Variants in LGSN observed in about 807,000 individuals in gnomAD.
LGSN encodes lengsin.
LGSN carries 21 observed loss-of-function variants against 19.5 expected under a neutral mutation model. The observed-to-expected ratio is 1.07, with a 90% CI of 0.76 to 1.55. LGSN has a LOEUF of 1.55. Ranked by LOEUF, LGSN falls within the 40% of genes most tolerant of loss-of-function variation. LGSN has a pLI of 0.00. For synonymous variants in LGSN, 257 were observed against 215.6 expected, an observed-to-expected ratio of 1.19 and a Z score of -1.68; for missense variants, 673 against 608.5, an observed-to-expected ratio of 1.11 and a Z score of -1.12.
chr6:63,277,015 C>A lies in LGSN; in HGVS notation c.*3006G>T, dbSNP rs980714651. ...TAACTGAAATCTTGGTGGAAACTGC[C>A]ACACCAACTTACGTTATCAACTGAT... is the stretch of plus-strand genomic sequence containing the variant. On this transcript the variant is annotated 3_prime_UTR_variant, in exon 4 of 4. Transcript: ENST00000370657. 1 of 119,624 alleles carries A rather than the reference C, an allele frequency of 8.4e-6. No individual in the cohort carries two copies. The highest frequency in any genetic ancestry group is 1.9e-5 in the Non-Finnish European group (1 of 52,240). 7.4% of individuals were successfully genotyped at this position (119,624 alleles called of 1,614,324 possible).
chr6:63,551,303 T>A, the LGSN span, among the ~76,000 whole-genome samples: 12 of 152,220 alleles, frequency 7.9e-5, no homozygotes, highest in South Asian at 6.2e-4. Context: ...TGACCTCAGG[T>A]GATCTGCCTG....
the LGSN span, among the ~76,000 whole-genome samples, chr6:63,417,440 G>A: frequency 2.4e-4 from 36 of 152,234 alleles, no homozygotes; most frequent in African/African-American, 8.4e-4. Context: ...AGTCCTAAGG[G>A]TGATAGCTGC....
chr6:63,435,950 C>G, the LGSN span, among the ~76,000 whole-genome samples: 3 of 150,542 alleles, frequency 2.0e-5, no homozygotes, highest in African/African-American at 7.3e-5. Flanking sequence ...TTCCCACTTC[C>G]TAACTTCATC....
At chr6:63,358,785 C>T in the LGSN span, among the ~76,000 whole-genome samples, 1 of 152,128 alleles carries the variant, frequency 6.6e-6, no homozygotes, top group Non-Finnish European at 1.5e-5. Context: ...CAAACAGGGA[C>T]AATTTGACTT....
chr6:63,461,873 T>C, the LGSN span, among the ~76,000 whole-genome samples: 4 of 152,336 alleles, frequency 2.6e-5, no homozygotes, highest in African/African-American at 7.2e-5. Context: ...TGAATTCTAG[T>C]ATAAACACAG....
At chr6:63,428,881 G>A in the LGSN span, among the ~76,000 whole-genome samples, 1 of 152,040 alleles carries the variant, frequency 6.6e-6, no homozygotes, top group African/African-American at 2.4e-5. Flanking sequence ...GGAGAAAATT[G>A]TTCATTAAGA....
At chr6:63,328,097 C>T in the LGSN span, among the ~76,000 whole-genome samples, 2 of 152,204 alleles carry the variant, frequency 1.3e-5, no homozygotes, top group African/African-American at 4.8e-5. Context: ...TTCTAAGGCT[C>T]GGGTAAGTGC....
chr6:63,445,659 G>T, the LGSN span, among the ~76,000 whole-genome samples: 1 of 152,194 alleles, frequency 6.6e-6, no homozygotes, highest in Non-Finnish European at 1.5e-5. Context: ...CTCATGCCTT[G>T]TATAAGAATT....
At chr6:63,391,037 C>T in the LGSN span, among the ~76,000 whole-genome samples, 1 of 152,000 alleles carries the variant, frequency 6.6e-6, no homozygotes, top group Non-Finnish European at 1.5e-5. Context: ...AAATTGATTG[C>T]TTCTGTTAAA....
chr6:63,308,092 CA>C lies in LGSN; in HGVS notation c.30+11821del, dbSNP rs554292202. Among the ~76,000 whole-genome samples the C allele has an allele frequency of 2.4e-3, 368 of 152,274 alleles. 3 individuals carry two copies. Among genetic ancestry groups the C allele is most frequent in the South Asian group, 3.9e-3 (19 of 4,820 alleles). On this transcript the variant is annotated intron_variant, in intron 1 of 3. Coordinates refer to ENST00000370657, the MANE Select transcript of LGSN (RefSeq NM_016571.3). ...GCTGGAAGAATCATGAGCGTAAGTA[CA>C]GATATGCAGTTTCATTTTGATTGCA...
chr6:63,315,022 T>C (rs1768785126), intron 1 of LGSN, among the ~76,000 whole-genome samples: 1 of 152,064 alleles, frequency 6.6e-6, no homozygotes, highest in African/African-American at 2.4e-5. Context: ...TAATGGGATA[T>C]GGAATCCAAG....
the LGSN span, among the ~76,000 whole-genome samples, chr6:63,439,700 C>T: frequency 6.6e-6 from 1 of 152,232 alleles, no homozygotes; most frequent in Non-Finnish European, 1.5e-5. Flanking sequence ...TTTTCTTTCC[C>T]AGACTAAATA....
chr6:63,565,736 CTG>C, the LGSN span, among the ~76,000 whole-genome samples: 20 of 152,298 alleles, frequency 1.3e-4, no homozygotes, highest in Non-Finnish European at 2.8e-4. Flanking sequence ...TTGGAAATTT[CTG>C]TGTCTAAATT....
chr6:63,473,375 G>A, the LGSN span, among the ~76,000 whole-genome samples: 1 of 149,392 alleles, frequency 6.7e-6, no homozygotes, highest in African/African-American at 2.5e-5. Flanking sequence ...TAGGGATGCT[G>A]AGGCACTAGA....
the LGSN span, among the ~76,000 whole-genome samples, chr6:63,555,684 ATTACACTCTTTTT>A: frequency 6.7e-6 from 1 of 149,878 alleles, no homozygotes; most frequent in Non-Finnish European, 1.5e-5. Flanking sequence ...TCACTTCTCA[ATTACACTCTTTTT>A]TTTTTTTTTT....
chr6:63,316,658 T>C (rs1321793784), intron 1 of LGSN, among the ~76,000 whole-genome samples: 1 of 152,084 alleles, frequency 6.6e-6, no homozygotes, highest in African/African-American at 2.4e-5. Context: ...TATTTATCCA[T>C]GTAGACAGGA....
chr6:63,501,032 A>C, the LGSN span, among the ~76,000 whole-genome samples: 1 of 149,312 alleles, frequency 6.7e-6, no homozygotes, highest in Non-Finnish European at 1.5e-5. Context: ...CCTGACTGAC[A>C]GGTTATTTCA....
upstream of LGSN, among the ~76,000 whole-genome samples, chr6:63,323,628 C>T (rs1769148531): frequency 6.8e-6 from 1 of 148,140 alleles, no homozygotes; most frequent in African/African-American, 2.5e-5. Context: ...TCAATATTAG[C>T]ATATTTAAAA....
intron 1 of LGSN, among the ~76,000 whole-genome samples, chr6:63,309,759 A>G (rs1768549429): frequency 6.6e-6 from 1 of 152,216 alleles, no homozygotes. Flanking sequence ...AAGGTATATT[A>G]TTAGCTATAG....
Sources: allele counts gnomAD v4.1 joint callset (sites outside exome capture counted in the v4.1 genomes callset), GRCh38; gene constraint gnomAD v4.1.1; transcripts MANE v1.5; gene names NCBI Gene and HGNC (gene_info 2026-07-23, HGNC 2026-07-21).